The following HDAC9 variants were observed in gnomAD, a reference collection of about 807,000 sequenced individuals.
HDAC9 encodes histone deacetylase 9.
HDAC9 carries 41 observed loss-of-function variants against 139.4 expected under a neutral mutation model. The observed-to-expected ratio is 0.29, with a 90% CI of 0.23 to 0.38. The LOEUF is 0.38. Among genes scored for constraint, HDAC9 ranks in the 10% least tolerant of loss-of-function variants. The probability of loss-of-function intolerance (pLI) is 1.00; values close to 1 mark genes in which losing one functional copy is unlikely to be tolerated. For missense variants in HDAC9, 1,147 were observed against 1,297.0 expected (o/e 0.88, Z 1.78); for synonymous variants, 517 against 476.2 (o/e 1.09, Z -1.12).
chr7:18,543,337 G>A (rs1239218783), intron 2 of HDAC9: 1 of 152,192 alleles, frequency 6.6e-6, no homozygotes, highest in African/African-American at 2.4e-5. Context: ...GCTGCTCAGT[G>A]CCCCAGCTCT....
At chr7:18,390,948 G>A (rs1192045767) in intron 1 of HDAC9, among the ~76,000 whole-genome samples, 1 of 152,146 alleles carries the variant, frequency 6.6e-6, no homozygotes, top group Non-Finnish European at 1.5e-5. Flanking sequence ...AATTAGCCAG[G>A]CATGGTGGCA....
intron 17 of HDAC9, among the ~76,000 whole-genome samples, chr7:18,828,527 C>T (rs1319057358): frequency 1.3e-5 from 2 of 152,166 alleles, no homozygotes; most frequent in Non-Finnish European, 2.9e-5. Context: ...TTCCAGAATG[C>T]AGGCTAGAAA....
chr7:18,741,973 A>C (rs1364920859), intron 13 of HDAC9, among the ~76,000 whole-genome samples: 3 of 152,224 alleles, frequency 2.0e-5, no homozygotes, highest in African/African-American at 7.2e-5. Context: ...ACTTGAATTA[A>C]TAAGGAGTTA....
intron 2 of HDAC9, among the ~76,000 whole-genome samples, chr7:18,577,633 T>G (rs1826401545): frequency 6.6e-6 from 1 of 152,202 alleles, no homozygotes; most frequent in African/African-American, 2.4e-5. Flanking sequence ...ACATTATACT[T>G]TTTATTTTTA....
At chr7:18,970,609 A>G (rs1308566655) in intron 24 of HDAC9, among the ~76,000 whole-genome samples, 2 of 152,154 alleles carry the variant, frequency 1.3e-5, no homozygotes, top group Admixed American at 1.3e-4. Flanking sequence ...GATCATGCCA[A>G]AGTTCTCTAT....
intron 6 of HDAC9, among the ~76,000 whole-genome samples, chr7:18,611,826 G>A (rs1837236089): frequency 1.3e-5 from 2 of 151,920 alleles, no homozygotes. Context: ...CATATGTTTG[G>A]GATATTCTTT....
At chr7:18,275,429 A>C (rs1453981323) in intron 2 of HDAC9, among the ~76,000 whole-genome samples, 1 of 152,166 alleles carries the variant, frequency 6.6e-6, no homozygotes, top group East Asian at 1.9e-4. Flanking sequence ...TGGTCCTGTT[A>C]AGTATGAATC....
intron 1 of HDAC9, among the ~76,000 whole-genome samples, chr7:18,102,795 A>G (rs1191878625): frequency 6.6e-6 from 1 of 152,184 alleles, no homozygotes; most frequent in Non-Finnish European, 1.5e-5. Flanking sequence ...GGTTATGTGC[A>G]ACTTCCAAGT....
chr7:18,622,865 C>T (rs1439750487), intron 6 of HDAC9, among the ~76,000 whole-genome samples: 4 of 151,430 alleles, frequency 2.6e-5, no homozygotes, highest in East Asian at 1.9e-4. Context: ...GAACAGAGGC[C>T]GGGTACAGTG....
intron 12 of HDAC9, among the ~76,000 whole-genome samples, chr7:18,708,083 C>T (rs1231280995): frequency 2.0e-5 from 3 of 152,030 alleles, no homozygotes; most frequent in African/African-American, 4.8e-5. Flanking sequence ...GGAGAGACAT[C>T]GCTTCAACTG....
At chr7:18,320,896 T>G (rs1799979756) in intron 1 of HDAC9, among the ~76,000 whole-genome samples, 2 of 152,188 alleles carry the variant, frequency 1.3e-5, no homozygotes, top group African/African-American at 2.4e-5. Context: ...AGGAGAACTT[T>G]CCAATTGTCC....
At chr7:18,828,713 T>C (rs574270097) in intron 17 of HDAC9, among the ~76,000 whole-genome samples, 129 of 152,320 alleles carry the variant, frequency 8.5e-4, no homozygotes, top group African/African-American at 2.6e-3. Flanking sequence ...GGAGTGTAAA[T>C]AACCATCAAG....
At position 18,721,107 on chromosome 7, in the gene HDAC9, T is replaced by A. The variant is rs1455007589; in HGVS notation, c.1732-6473T>A. ...GTTAGTTATTATAATAATATTGGTG[T>A]TTTATGTATGACAAACATGCCATAA... On this transcript the variant is annotated intron_variant, in intron 12 of 25. Coordinates refer to ENST00000686413, the MANE Select transcript of HDAC9 (RefSeq NM_178425.4). Among the ~76,000 whole-genome samples the A allele has an allele frequency of 3.9e-5, 6 of 152,300 alleles. No homozygotes were observed. The East Asian group carries it at 1.2e-3, about 29-fold the overall frequency.
At chr7:18,360,112 A>G (rs746542434) in intron 1 of HDAC9, among the ~76,000 whole-genome samples, 4 of 152,182 alleles carry the variant, frequency 2.6e-5, no homozygotes, top group Non-Finnish European at 5.9e-5. Context: ...TTGTTTTCAG[A>G]AAGTTTTTAT....
intron 23 of HDAC9, among the ~76,000 whole-genome samples, chr7:18,940,160 G>T (rs1347120352): frequency 6.6e-6 from 1 of 152,106 alleles, no homozygotes; most frequent in Non-Finnish European, 1.5e-5. Flanking sequence ...ACCGTTAGCT[G>T]TGCATCTGTG....
chr7:18,280,393 GC>G (rs1465336762), intron 2 of HDAC9, among the ~76,000 whole-genome samples: 2 of 152,112 alleles, frequency 1.3e-5, no homozygotes, highest in Non-Finnish European at 2.9e-5. Flanking sequence ...TTCGAGAACA[GC>G]CTGACCAACA....
rs200314679 is a variant in HDAC9, at chr7:18,249,689, G to A, written c.25+87340G>A. On this transcript the variant is annotated intron_variant, in intron 2 of 12. Transcript: ENST00000417496. ...ATTAACTCTTTCTTATCAATGAAAG[G>A]TATTTCCATTTTTTTCTGGGAGAGA... 6.6e-5 allele frequency among the ~76,000 whole-genome samples: 10 copies of A among 151,970 alleles called. No homozygotes were observed. The East Asian group carries it at 1.9e-3, about 29-fold the overall frequency.
At chr7:18,541,657 A>G (rs1248370707) in intron 2 of HDAC9, among the ~76,000 whole-genome samples, 1 of 152,212 alleles carries the variant, frequency 6.6e-6, no homozygotes, top group African/African-American at 2.4e-5. Context: ...TTGGAACAGA[A>G]ACAGGAATTC....
chr7:18,253,576 C>T (rs1490924897), intron 2 of HDAC9, among the ~76,000 whole-genome samples: 3 of 152,080 alleles, frequency 2.0e-5, no homozygotes, highest in African/African-American at 7.2e-5. Flanking sequence ...TGTTCATGTC[C>T]TTTGCCCATG....
Sources: allele counts gnomAD v4.1 joint callset (sites outside exome capture counted in the v4.1 genomes callset), GRCh38; gene constraint gnomAD v4.1.1; transcripts MANE v1.5; gene names NCBI Gene and HGNC (gene_info 2026-07-23, HGNC 2026-07-21).